The following FAM184A variants were observed in gnomAD, a reference collection of about 807,000 sequenced individuals.
The protein encoded by FAM184A is protein FAM184A.
FAM184A carries 99 observed loss-of-function variants against 143.8 expected under a neutral mutation model. The ratio of observed to expected loss-of-function variants is 0.69; its 90% CI spans 0.58 to 0.81. The LOEUF is 0.81. Among genes scored for constraint, FAM184A ranks in the 40% least tolerant of loss-of-function variants. FAM184A has a pLI of 0.00. For missense variants in FAM184A, 1,217 were observed against 1,310.5 expected, an observed-to-expected ratio of 0.93 and a Z score of 1.10; for synonymous variants, 427 against 446.4, an observed-to-expected ratio of 0.96 and a Z score of 0.55.
Position 119,020,181 on chromosome 6 carries a change from C to G in FAM184A, c.1151-22G>C, listed in dbSNP as rs771620842. Reference sequence around the variant, plus strand: ...TGACCTATCCCCCAAAAAGAAAATCCCTTCAATTTAAAAATCAGTTGTACT... The same window carrying G: ...TGACCTATCCCCCAAAAAGAAAATCGCTTCAATTTAAAAATCAGTTGTACT... On this transcript the variant is annotated intron_variant, in intron 3 of 17. Transcript: ENST00000338891. 5 of 1,492,970 alleles carry G rather than the reference C, an allele frequency of 3.3e-6. No individual in the cohort carries two copies. In the East Asian group the frequency reaches 9.7e-5, roughly 29 times the overall value. The allele number at this position is 1,492,970 out of a possible 1,614,324, so 92.5% of individuals were successfully genotyped here.
intron 1 of FAM184A, among the ~76,000 whole-genome samples, chr6:119,100,257 A>G (rs1535613): frequency 6.6e-6 from 1 of 151,990 alleles, no homozygotes; most frequent in Admixed American, 6.5e-5. Context: ...GGAGACAGGG[A>G]AAAGATCAAT....
intron 1 of FAM184A, among the ~76,000 whole-genome samples, chr6:119,120,570 A>C (rs659466): frequency 0.81 from 122,965 of 152,080 alleles, 50,016 homozygotes; most frequent in South Asian, 0.9. Context: ...ATTTTAAGGA[A>C]CTCCCAACTG....
At chr6:119,142,092 G>A (rs536476690) in intron 1 of FAM184A, among the ~76,000 whole-genome samples, 143 of 152,298 alleles carry the variant, frequency 9.4e-4, no homozygotes, top group African/African-American at 3.2e-3. Context: ...TAGTTAAAGC[G>A]TTGAGAGTTA....
At chr6:119,010,582 C>T (rs1048493444) in intron 6 of FAM184A, among the ~76,000 whole-genome samples, 1 of 152,084 alleles carries the variant, frequency 6.6e-6, no homozygotes, top group Non-Finnish European at 1.5e-5. Flanking sequence ...AAGACATGAA[C>T]TCTTCATTGG....
chr6:119,099,534 T>C (rs1405684931), intron 1 of FAM184A, among the ~76,000 whole-genome samples: 3 of 152,096 alleles, frequency 2.0e-5, no homozygotes, highest in Non-Finnish European at 2.9e-5. Flanking sequence ...CTGCTCCGTA[T>C]CCTGGAAGAA....
intron 1 of FAM184A, among the ~76,000 whole-genome samples, chr6:119,062,644 A>C (rs1460007537): frequency 1.3e-5 from 2 of 152,176 alleles, no homozygotes; most frequent in Non-Finnish European, 2.9e-5. Context: ...TGGGTGACAG[A>C]GAGAGACCCT....
intron 5 of FAM184A, among the ~76,000 whole-genome samples, chr6:119,016,455 A>C (rs933903551): frequency 2.6e-5 from 4 of 152,094 alleles, no homozygotes. Context: ...GGGAGGAACG[A>C]ACAACTCCAG....
intron 14 of FAM184A, among the ~76,000 whole-genome samples, chr6:118,967,380 T>C (rs1270188637): frequency 1.3e-5 from 2 of 152,126 alleles, no homozygotes; most frequent in Non-Finnish European, 2.9e-5. Context: ...CTTGGTAACA[T>C]ATAAAAAGGA....
At position 118,990,106 on chromosome 6, in the gene FAM184A, G is replaced by A. The variant is rs879545491; in HGVS notation, c.2089-9756C>T. On this transcript the variant is annotated intron_variant, in intron 9 of 17. Coordinates refer to ENST00000338891, the MANE Select transcript of FAM184A (RefSeq NM_024581.6). ...CTCCCACAGTGCTGGGATTACAGGC[G>A]TGAGCCACAGCGCCCAGCCAACATC... 2.6e-5 allele frequency among the ~76,000 whole-genome samples: 4 copies of A among 152,200 alleles called. 1 individual carries two copies. Among genetic ancestry groups the A allele is most frequent in the Admixed American group, 2.0e-4 (3 of 15,274 alleles).
intron 15 of FAM184A, among the ~76,000 whole-genome samples, chr6:118,966,357 C>A (rs1783500138): frequency 6.6e-6 from 1 of 152,076 alleles, no homozygotes; most frequent in Non-Finnish European, 1.5e-5. Flanking sequence ...TTTTCTGTGG[C>A]TAGATTATGG....
At chr6:119,025,213 C>T (rs1785587592) in intron 1 of FAM184A, among the ~76,000 whole-genome samples, 2 of 152,272 alleles carry the variant, frequency 1.3e-5, no homozygotes, top group South Asian at 4.2e-4. Context: ...CATAGTAAGA[C>T]TCTGCCCTAT....
At chr6:118,983,729 A>C (rs1411713662) in intron 9 of FAM184A, among the ~76,000 whole-genome samples, 2 of 152,296 alleles carry the variant, frequency 1.3e-5, no homozygotes, top group Non-Finnish European at 2.9e-5. Context: ...GTCAAACTGC[A>C]CTGATAGTAA....
At chr6:119,023,116 G>A in intron 2 of FAM184A, 36 bp from the exon 3 acceptor site, 12 of 1,606,308 alleles carry the variant, frequency 7.5e-6, no homozygotes, top group Non-Finnish European at 1.0e-5. Context: ...TAAAATGCAG[G>A]AATAATACTA....
chr6:119,051,958 T>C (rs1786784661), intron 1 of FAM184A, among the ~76,000 whole-genome samples: 1 of 152,156 alleles, frequency 6.6e-6, no homozygotes, highest in Non-Finnish European at 1.5e-5. Context: ...TCAGCAGCCA[T>C]TGGAGGCCCA....
intron 2 of FAM184A, among the ~76,000 whole-genome samples, chr6:119,023,565 C>CGG (rs1785526526): frequency 9.6e-6 from 1 of 104,528 alleles, no homozygotes; most frequent in Non-Finnish European, 1.9e-5. Context: ...GCCCCCCCCC[C>CGG]CAGGAACAGC....
intron 1 of FAM184A, among the ~76,000 whole-genome samples, chr6:119,110,390 T>G (rs1420101281): frequency 6.6e-6 from 1 of 152,074 alleles, no homozygotes; most frequent in Non-Finnish European, 1.5e-5. Context: ...ACTTTTGATT[T>G]CCAGCAGACT....
At chr6:119,123,464 G>A (rs1789281247) in intron 1 of FAM184A, among the ~76,000 whole-genome samples, 1 of 152,120 alleles carries the variant, frequency 6.6e-6, no homozygotes, top group Non-Finnish European at 1.5e-5. Flanking sequence ...TTCACGTCAG[G>A]GGTAACATGA....
In FAM184A at chr6:118,968,313, C is replaced by T. The variant is rs189437096; in HGVS notation, c.2916-1361G>A. On this transcript the variant is annotated intron_variant, in intron 14 of 17. Coordinates refer to ENST00000338891, the MANE Select transcript of FAM184A (RefSeq NM_024581.6). ...TCTTATCATGCTTTAAGAAAGTTTA[C>T]GAATTTGTGTTGGGCCACATTCAAA... 1.6e-4 allele frequency among the ~76,000 whole-genome samples: 25 copies of T among 152,292 alleles called. No homozygotes were observed. In the East Asian group the frequency reaches 4.6e-3, roughly 28 times the overall value.
intron 9 of FAM184A, 149 bp from the exon 10 acceptor site, chr6:118,980,499 T>TA (rs140374919): frequency 0.018 from 11,222 of 614,830 alleles, 346 homozygotes; most frequent in African/African-American, 0.1. Context: ...AAATATATCA[T>TA]AAAAATAACC....
Sources: gnomAD v4.1 joint callset for allele counts (sites outside exome capture counted in the v4.1 genomes callset) on GRCh38, gnomAD v4.1.1 for gene constraint, MANE v1.5 for transcripts, NCBI Gene and HGNC (gene_info 2026-07-23, HGNC 2026-07-21) for gene names.